DNAAF11: variants seen among roughly 807,000 people sequenced by gnomAD.
DNAAF11 encodes the protein leucine rich repeat containing 6.
A neutral mutation model predicts 60.8 loss-of-function variants in DNAAF11; 45 were observed. The ratio of observed to expected loss-of-function variants is 0.74; its 90% CI spans 0.58 to 0.95. DNAAF11 has a LOEUF of 0.95. Among genes scored for constraint, DNAAF11 ranks in the 40% least tolerant of loss-of-function variants. DNAAF11 has a pLI of 0.00. For missense variants in DNAAF11, 546 were observed against 546.2 expected (o/e 1.00, Z 0.00); for synonymous variants, 191 against 183.5 (o/e 1.04, Z -0.33).
rs79692197 is a variant in DNAAF11, at chr8:132,575,197, A to G, written c.1227-2717T>C. Among the ~76,000 whole-genome samples, 739 of 152,278 alleles carry G rather than the reference A, an allele frequency of 4.9e-3. 11 individuals are homozygous for G. Among genetic ancestry groups the G allele is most frequent in the African/African-American group, 0.017 (710 of 41,554 alleles). ...CCTGCTAAGCTGTTGGCCCTTGTGA[A>G]TTACTCAGCCACTTTGTGCCTCAAA... On this transcript the variant is annotated intron_variant, in intron 11 of 11. Transcript: ENST00000620350.
intron 3 of DNAAF11, among the ~76,000 whole-genome samples, chr8:132,646,107 A>G (rs1471789936): frequency 6.6e-6 from 1 of 152,236 alleles, no homozygotes; most frequent in Non-Finnish European, 1.5e-5. Flanking sequence ...GTTACCCACA[A>G]AGGGAACCCA....
intron 10 of DNAAF11, among the ~76,000 whole-genome samples, chr8:132,598,884 G>T (rs1465557411): frequency 3.3e-5 from 5 of 152,058 alleles, no homozygotes; most frequent in Non-Finnish European, 7.4e-5. Flanking sequence ...AAGAGCAAAT[G>T]CATTCAAAAG....
At chr8:132,696,426 C>G in the DNAAF11 span, among the ~76,000 whole-genome samples, 45 of 152,070 alleles carry the variant, frequency 3.0e-4, no homozygotes, top group Non-Finnish European at 5.7e-4. Flanking sequence ...TATGACCCAG[C>G]AATTTCATTC....
chr8:132,658,654 G>C (rs898256199), intron 2 of DNAAF11, among the ~76,000 whole-genome samples: 1 of 152,304 alleles, frequency 6.6e-6, no homozygotes, highest in Admixed American at 6.5e-5. Context: ...AGAACTATGA[G>C]AGTCTCGTCC....
chr8:132,655,743 C>T (rs997370021), intron 3 of DNAAF11, among the ~76,000 whole-genome samples: 18 of 104,114 alleles, frequency 1.7e-4, no homozygotes, highest in South Asian at 2.7e-4. Context: ...ATAAGGTAAA[C>T]GCAAATCAAA....
At chr8:132,581,658 C>A (rs1815343911) in intron 11 of DNAAF11, among the ~76,000 whole-genome samples, 1 of 104,512 alleles carries the variant, frequency 9.6e-6, no homozygotes, top group African/African-American at 4.1e-5. Flanking sequence ...CGAGACTCTG[C>A]CTCAAAAAAA....
At chr8:132,647,453 A>G (rs900066372) in intron 3 of DNAAF11, among the ~76,000 whole-genome samples, 2 of 152,252 alleles carry the variant, frequency 1.3e-5, no homozygotes, top group African/African-American at 2.4e-5. Context: ...CACAATTAAA[A>G]GAACTAGAGA....
At chr8:132,701,575 C>T in the DNAAF11 span, among the ~76,000 whole-genome samples, 9 of 152,228 alleles carry the variant, frequency 5.9e-5, no homozygotes, top group South Asian at 1.7e-3. Context: ...TAACAAAGGC[C>T]TGAGAGTTGA....
intron 3 of DNAAF11, among the ~76,000 whole-genome samples, chr8:132,647,470 A>G (rs1822518941): frequency 6.6e-6 from 1 of 152,228 alleles, no homozygotes; most frequent in Admixed American, 6.5e-5. Context: ...GAGAAGCAAG[A>G]GCAAATTCAA....
At chr8:132,629,504 C>T (rs1246350782) in intron 5 of DNAAF11, among the ~76,000 whole-genome samples, 1 of 152,032 alleles carries the variant, frequency 6.6e-6, no homozygotes, top group African/African-American at 2.4e-5. Context: ...CCTGCCACCA[C>T]ACCTGGCTAA....
intron 1 of DNAAF11, among the ~76,000 whole-genome samples, chr8:132,665,425 G>C (rs181739558): frequency 1.3e-5 from 2 of 151,866 alleles, no homozygotes; most frequent in African/African-American, 4.8e-5. Context: ...CTGCAATTAC[G>C]TGAGATCATT....
Position 132,646,360 on chromosome 8 carries a change from C to T in DNAAF11, c.257-8253G>A, listed in dbSNP as rs563535087. ...AGCACTAAACATGGAAAGGAACAACCGGTACCAGCCACTGCAAAAACATGC... is the reference window on the plus strand; with the variant it reads ...AGCACTAAACATGGAAAGGAACAACTGGTACCAGCCACTGCAAAAACATGC... On this transcript the variant is annotated intron_variant, in intron 3 of 11. Coordinates refer to ENST00000620350, the MANE Select transcript of DNAAF11 (RefSeq NM_012472.6). Among the ~76,000 whole-genome samples the T allele has an allele frequency of 6.0e-3, 908 of 152,210 alleles. 3 individuals carry two copies. Among genetic ancestry groups the T allele is most frequent in the Non-Finnish European group, 8.9e-3 (603 of 68,000 alleles).
intron 1 of DNAAF11, among the ~76,000 whole-genome samples, chr8:132,668,573 G>T (rs1406068167): frequency 2.0e-5 from 3 of 152,018 alleles, no homozygotes; most frequent in African/African-American, 7.3e-5. Context: ...CCAGTAGCTG[G>T]GACTACAGGC....
intron 10 of DNAAF11, among the ~76,000 whole-genome samples, chr8:132,605,205 A>G (rs1415285045): frequency 2.6e-5 from 4 of 152,180 alleles, no homozygotes; most frequent in Non-Finnish European, 5.9e-5. Context: ...CAGAGAGATG[A>G]ATAATTTGCC....
chr8:132,658,791 A>G (rs915706910), intron 2 of DNAAF11, among the ~76,000 whole-genome samples: 4 of 152,148 alleles, frequency 2.6e-5, no homozygotes, highest in African/African-American at 9.7e-5. Flanking sequence ...AAGGAGTCAT[A>G]TGATAGAAAA....
At chr8:132,664,890 T>C (rs147547215) in intron 1 of DNAAF11, among the ~76,000 whole-genome samples, 1 of 152,258 alleles carries the variant, frequency 6.6e-6, no homozygotes, top group Admixed American at 6.5e-5. Flanking sequence ...CTTCTAACCA[T>C]GAGAATTAAG....
At chr8:132,641,298 T>A (rs973381131) in intron 3 of DNAAF11, among the ~76,000 whole-genome samples, 32 of 152,202 alleles carry the variant, frequency 2.1e-4, no homozygotes, top group African/African-American at 7.5e-4. Context: ...TTTATGGTCA[T>A]CAGATACTCT....
chr8:132,648,626 A>C (rs1193051000), intron 3 of DNAAF11, among the ~76,000 whole-genome samples: 5 of 152,260 alleles, frequency 3.3e-5, no homozygotes, highest in African/African-American at 7.2e-5. Flanking sequence ...GTCTCAGCCA[A>C]AAATCTCCTT....
At chr8:132,680,638 C>T in the DNAAF11 span, among the ~76,000 whole-genome samples, 2 of 152,112 alleles carry the variant, frequency 1.3e-5, no homozygotes, top group African/African-American at 4.8e-5. Flanking sequence ...TTTACCAGCA[C>T]GACTACAAGT....
Sources: gnomAD v4.1 joint callset for allele counts (sites outside exome capture counted in the v4.1 genomes callset) on GRCh38, gnomAD v4.1.1 for gene constraint, MANE v1.5 for transcripts, NCBI Gene and HGNC (gene_info 2026-07-23, HGNC 2026-07-21) for gene names.